Variants in AHNAK observed in about 807,000 individuals in gnomAD.
AHNAK encodes neuroblast differentiation-associated protein AHNAK.
AHNAK carries 23 observed loss-of-function variants against 37.8 expected under a neutral mutation model. The ratio of observed to expected loss-of-function variants is 0.61; its 90% CI spans 0.44 to 0.86. The LOEUF is 0.86. Ranked by LOEUF, AHNAK falls within the 40% of genes least tolerant of loss-of-function variation. The pLI, the probability that AHNAK is intolerant of heterozygous loss-of-function variation, is 0.00. For synonymous variants in AHNAK, 2,481 were observed against 2,636.3 expected, an observed-to-expected ratio of 0.94 and a Z score of 1.80; for missense variants, 7,411 against 7,319.4, an observed-to-expected ratio of 1.01 and a Z score of -0.46.
chr11:62,433,725 G>T, exon 6 of AHNAK: 1 of 914,406 alleles, frequency 1.1e-6, no homozygotes. Context: ...CTATAAACAT[G>T]CATGCTCCGA....
Position 62,527,895 on chromosome 11 carries a change from C to T in AHNAK, c.6522G>A (p.Met2174Ile). ...TGGGGGTCTTGAAGTGCATCTCAGG[C>T]ATCTTAAACTTGGGCCCTTTCAACT... ...DAKLKGPKFK[M>I]PEMHFKTPKI... The change falls in exon 5 of 5, where the codon ATG (methionine) becomes ATA (isoleucine). Residue 2174 changes from methionine to isoleucine, a missense_variant. Met to Ile is a conservative substitution (Grantham distance 10). Coordinates refer to ENST00000378024, the MANE Select transcript of AHNAK (RefSeq NM_001620.3). The T allele has an allele frequency of 6.2e-7, 1 of 1,613,428 alleles. No homozygotes were observed. The highest frequency in any genetic ancestry group is 8.5e-7 in the Non-Finnish European group (1 of 1,179,770).
Position 62,525,820 on chromosome 11 carries a change from C to T in AHNAK, c.8597G>A (p.Gly2866Asp). 6.2e-7 allele frequency: 1 copy of T among 1,613,878 alleles called. No individual in the cohort carries two copies. Among genetic ancestry groups the T allele is most frequent in the Non-Finnish European group, 8.5e-7 (1 of 1,179,998 alleles). The change falls in exon 5 of 5, where the codon GGT becomes GAT. Residue 2866 changes from glycine (G) to aspartate (D), a missense_variant. Coordinates refer to ENST00000378024, the MANE Select transcript of AHNAK (RefSeq NM_001620.3). ...GGGGCCTTTGAGGTCAACTTCAGGACCTTTCAGATCTCCCTCTACCTTAGG... is the reference window on the plus strand; with the variant it reads ...GGGGCCTTTGAGGTCAACTTCAGGATCTTTCAGATCTCCCTCTACCTTAGG... ...TGPKVEGDLKGPEVDLKGPKV... is the reference protein window; with the variant it reads ...TGPKVEGDLKDPEVDLKGPKV...
intron 5 of AHNAK, among the ~76,000 whole-genome samples, chr11:62,443,222 TG>T (rs1286642705): frequency 6.7e-6 from 1 of 149,572 alleles, no homozygotes; most frequent in African/African-American, 2.5e-5. Context: ...ATGATCCACC[TG>T]CCTCGGCCTC....
rs1385680639 is a variant in AHNAK, at chr11:62,526,193, C to T, written c.8224G>A (p.Asp2742Asn). 1 of 1,613,828 alleles carries T rather than the reference C, an allele frequency of 6.2e-7. No homozygotes were observed. The highest frequency in any genetic ancestry group is 1.1e-5 in the South Asian group (1 of 91,072). Residue 2742 changes from aspartate (D) to asparagine (N), a missense_variant, in exon 5 of 5, where the codon GAC (aspartate) becomes AAC (asparagine). By Grantham distance (23) the Asp-to-Asn change is conservative (BLOSUM62 1). Transcript: ENST00000378024. Reference protein sequence around the residue: ...VEGDLKGPEVDIKGPKVDIDA... With the variant: ...VEGDLKGPEVNIKGPKVDIDA... ...ATGTCCACTTTTGGGCCCTTGATGT[C>T]AACTTCTGGGCCCTTGAGGTCACCT...
chr11:62,491,811 T>C, exon 5 of AHNAK: 1 of 1,612,538 alleles, frequency 6.2e-7, no homozygotes, highest in Non-Finnish European at 8.5e-7. Context: ...TGCATTCCAG[T>C]GCTGATGGCT....
rs770967847 is a variant in AHNAK at position 62,532,887 on chromosome 11, C to A, written c.1530G>T (p.Gly510=). 8.7e-6 allele frequency: 14 copies of A among 1,613,972 alleles called. No homozygotes were observed. Among genetic ancestry groups the A allele is most frequent in the Non-Finnish European group, 1.2e-5 (14 of 1,180,032 alleles). Reference sequence around the variant, plus strand: ...TAATATCTCCTTTCAGTTTAGGAGACCCAAGGCTCAGATCCACATCCTGCA... The same window carrying A: ...TAATATCTCCTTTCAGTTTAGGAGAACCAAGGCTCAGATCCACATCCTGCA... The part of the protein sequence containing the change: ...ISMQDVDLSL[G]SPKLKGDIKV... The change falls in exon 5 of 5, where the codon GGG becomes GGT. Residue 510 remains glycine, a synonymous_variant. Coordinates refer to ENST00000378024, the MANE Select transcript of AHNAK (RefSeq NM_001620.3).
Position 62,507,087 on chromosome 11 carries a change from C to G in AHNAK, c.343-15256G>C, listed in dbSNP as rs187034584. 5.3e-4 allele frequency among the ~76,000 whole-genome samples: 80 copies of G among 152,148 alleles called. No individual in the cohort carries two copies. The East Asian group carries it at 0.015, about 28-fold the overall frequency. ...TCCTTCTGCCTGGAATTCCCTCCCC[C>G]CACTCCTCTCCAAACCTTGAAATAG... On this transcript the variant is annotated intron_variant, in intron 4 of 5. Transcript: ENST00000257247.
Position 62,517,280 on chromosome 11 carries a change from T to C in AHNAK, c.17137A>G (p.Lys5713Glu). The C allele has an allele frequency of 6.2e-7, 1 of 1,614,190 alleles. No homozygotes were observed. The highest frequency in any genetic ancestry group is 8.5e-7 in the Non-Finnish European group (1 of 1,180,042). ...SEVKLKKSKI[K>E]MPKFNFSKPK... ...TTGGAAAAATTAAACTTGGGCATTTTGATCTTGGACTTTTTCAGTTTGACT... is the reference window on the plus strand; with the variant it reads ...TTGGAAAAATTAAACTTGGGCATTTCGATCTTGGACTTTTTCAGTTTGACT... Residue 5713 changes from lysine to glutamate, a missense_variant, in exon 5 of 5, where the codon AAA becomes GAA. Coordinates refer to ENST00000378024, the MANE Select transcript of AHNAK (RefSeq NM_001620.3).
intron 4 of AHNAK, among the ~76,000 whole-genome samples, chr11:62,498,072 G>A (rs993509964): frequency 6.6e-6 from 1 of 152,110 alleles, no homozygotes; most frequent in Non-Finnish European, 1.5e-5. Context: ...TGAAAAGAAC[G>A]AGGTAGGTCT....
In AHNAK at chr11:62,476,953, C is replaced by T. The variant is rs958435994; in HGVS notation, c.442+14779G>A. Among the ~76,000 whole-genome samples the T allele has an allele frequency of 6.6e-5, 10 of 152,280 alleles. No individual in the cohort carries two copies. The Middle Eastern group carries it at 0.017, about 259-fold the overall frequency. ...CACCAAAAACTGCAATGCCTGCAGC[C>T]GGCATTGGTTGCAGAAATCACCCAA... On this transcript the variant is annotated intron_variant, in intron 5 of 5. Coordinates refer to the AHNAK transcript ENST00000257247.
Position 62,516,308 on chromosome 11 carries a change from A to T in AHNAK, c.*436T>A. 7.8e-7 allele frequency: 1 copy of T among 1,289,280 alleles called. No individual in the cohort carries two copies. The highest frequency in any genetic ancestry group is 1.0e-6 in the Non-Finnish European group (1 of 988,904). 79.9% of individuals were successfully genotyped at this position (1,289,280 alleles called of 1,614,324 possible). A position where few individuals can be genotyped will look rare whatever the true frequency, so the allele number is the denominator to read the frequency against. On this transcript the variant is annotated 3_prime_UTR_variant, in exon 5 of 5. Coordinates refer to ENST00000378024, the MANE Select transcript of AHNAK (RefSeq NM_001620.3). Reference sequence around the variant, plus strand: ...CAGTCTCAGGAAAGAGGAAGACCTGACCTCCGTCTGCAACCCATCACCCCA... The same window carrying T: ...CAGTCTCAGGAAAGAGGAAGACCTGTCCTCCGTCTGCAACCCATCACCCCA...
intron 5 of AHNAK, among the ~76,000 whole-genome samples, chr11:62,486,272 C>G (rs1177298683): frequency 1.3e-5 from 2 of 151,892 alleles, no homozygotes; most frequent in South Asian, 4.2e-4. Flanking sequence ...GTCAGGAGTT[C>G]GAGACCAGCC....
downstream of AHNAK, among the ~76,000 whole-genome samples, chr11:62,515,290 G>A (rs574451955): frequency 2.0e-5 from 3 of 152,192 alleles, no homozygotes; most frequent in Non-Finnish European, 4.4e-5. Context: ...AGGCCAAGGC[G>A]GGTGGATCAC....
At chr11:62,449,944 C>T (rs754345566) in intron 5 of AHNAK, among the ~76,000 whole-genome samples, 7 of 152,050 alleles carry the variant, frequency 4.6e-5, no homozygotes, top group East Asian at 1.9e-4. Context: ...CTTTTTCCTG[C>T]GTGAAAATCT....
rs573843346 is a variant in AHNAK, at chr11:62,439,386, G to A, written c.443-5495C>T. 2.1e-4 allele frequency among the ~76,000 whole-genome samples: 32 copies of A among 151,876 alleles called. No individual in the cohort carries two copies. In the South Asian group the frequency reaches 6.0e-3, roughly 29 times the overall value. ...GCTGGGATTACAGGCGTGAGCCACCGCGCCTGGGCAGTTTCCCTATTTTTC... is the reference window on the plus strand; with the variant it reads ...GCTGGGATTACAGGCGTGAGCCACCACGCCTGGGCAGTTTCCCTATTTTTC... On this transcript the variant is annotated intron_variant, in intron 5 of 5. Coordinates refer to the AHNAK transcript ENST00000257247.
intron 1 of AHNAK, among the ~76,000 whole-genome samples, chr11:62,544,988 A>G (rs1941260526): frequency 6.6e-6 from 1 of 152,146 alleles, no homozygotes; most frequent in African/African-American, 2.4e-5. Flanking sequence ...GATTCTAATG[A>G]AGACGGGTTC....
Position 62,529,120 on chromosome 11 carries a change from C to A in AHNAK, c.5297G>T (p.Gly1766Val), listed in dbSNP as rs76414066. 0.01 allele frequency: 16,944 copies of A among 1,614,096 alleles called. 134 individuals carry two copies. Among genetic ancestry groups the A allele is most frequent in the Non-Finnish European group, 0.013 (14,870 of 1,180,012 alleles). ...CAACTTGGGCATCTTAAATTTGGAG[C>A]CTTTCAACTTTCCTTCTGGTCCCTC... ...DIEGPEGKLK[G>V]SKFKMPKLNI... Residue 1766 changes from glycine to valine, a missense_variant, in exon 5 of 5, where the codon GGC (glycine) becomes GTC (valine). Gly to Val is a moderately radical substitution (Grantham distance 109). Coordinates refer to ENST00000378024, the MANE Select transcript of AHNAK (RefSeq NM_001620.3).
chr11:62,442,416 T>C (rs1158306232), intron 5 of AHNAK, among the ~76,000 whole-genome samples: 3 of 152,002 alleles, frequency 2.0e-5, no homozygotes, highest in Admixed American at 6.6e-5. Context: ...GGCATGGTGG[T>C]ATGTGCCTGT....
chr11:62,470,283 T>C (rs933254521), intron 5 of AHNAK, among the ~76,000 whole-genome samples: 1 of 152,094 alleles, frequency 6.6e-6, no homozygotes, highest in African/African-American at 2.4e-5. Context: ...CTGTCTCTAC[T>C]AAAAATACAA....
Sources: allele counts gnomAD v4.1 joint callset (sites outside exome capture counted in the v4.1 genomes callset), GRCh38; gene constraint gnomAD v4.1.1; transcripts MANE v1.5; gene names NCBI Gene and HGNC (gene_info 2026-07-23, HGNC 2026-07-21).